ADAMTS3: variants seen among roughly 807,000 people sequenced by gnomAD.
ADAMTS3 encodes the protein ADAM metallopeptidase with thrombospondin type 1 motif 3.
A neutral mutation model predicts 129.0 loss-of-function variants in ADAMTS3; 73 were observed. The ratio of observed to expected loss-of-function variants is 0.57; its 90% confidence interval spans 0.47 to 0.69. The LOEUF (loss-of-function observed/expected upper bound fraction) is 0.69. Ranked by LOEUF, ADAMTS3 falls within the 30% of genes least tolerant of loss-of-function variation. ADAMTS3 has a pLI of 0.00. For synonymous variants in ADAMTS3, 477 were observed against 510.8 expected, an observed-to-expected ratio of 0.93 and a Z score of 0.89; for missense variants, 1,457 against 1,514.5, an observed-to-expected ratio of 0.96 and a Z score of 0.63.
chr4:72,348,998 C>A (rs898814629), intron 4 of ADAMTS3, among the ~76,000 whole-genome samples: 1 of 151,956 alleles, frequency 6.6e-6, no homozygotes, highest in South Asian at 2.1e-4. Flanking sequence ...CCACCTTAGA[C>A]TTCTGACCTA....
chr4:72,403,659 C>T (rs563797011), intron 4 of ADAMTS3, among the ~76,000 whole-genome samples: 64 of 151,958 alleles, frequency 4.2e-4, no homozygotes, highest in African/African-American at 1.3e-3. Context: ...TAATTTTATT[C>T]TTAACACTAT....
At chr4:72,374,286 C>A (rs560333326) in intron 4 of ADAMTS3, among the ~76,000 whole-genome samples, 1 of 148,884 alleles carries the variant, frequency 6.7e-6, no homozygotes, top group East Asian at 1.9e-4. Flanking sequence ...TTGGGAGTAA[C>A]TCCTTTTTTT....
chr4:72,443,582 C>G (rs891690841), intron 3 of ADAMTS3, among the ~76,000 whole-genome samples: 9 of 149,874 alleles, frequency 6.0e-5, no homozygotes, highest in Middle Eastern at 3.2e-3. Context: ...TACTTGTTCA[C>G]AGTTAGTTCA....
At chr4:72,468,732 C>A (rs546279773) in intron 3 of ADAMTS3, among the ~76,000 whole-genome samples, 2 of 149,858 alleles carry the variant, frequency 1.3e-5, no homozygotes, top group African/African-American at 2.4e-5. Context: ...TTAATAATGT[C>A]AAAACTGGCA....
intron 3 of ADAMTS3, among the ~76,000 whole-genome samples, chr4:72,504,501 T>G (rs963540936): frequency 1.3e-5 from 2 of 152,130 alleles, no homozygotes; most frequent in African/African-American, 4.8e-5. Context: ...TTTAATTTTT[T>G]TTCTTTAGCA....
intron 3 of ADAMTS3, among the ~76,000 whole-genome samples, chr4:72,547,414 T>C (rs1721494602): frequency 6.6e-6 from 1 of 152,204 alleles, no homozygotes; most frequent in Admixed American, 6.5e-5. Flanking sequence ...AATATCTATG[T>C]CTAGATCATA....
At chr4:72,386,559 G>T (rs1170844144) in intron 4 of ADAMTS3, among the ~76,000 whole-genome samples, 3 of 151,800 alleles carry the variant, frequency 2.0e-5, no homozygotes, top group Non-Finnish European at 4.4e-5. Context: ...ATCTGTTTTT[G>T]AATTTTACAT....
At chr4:72,517,896 T>C (rs2109735914) in intron 3 of ADAMTS3, among the ~76,000 whole-genome samples, 1 of 151,390 alleles carries the variant, frequency 6.6e-6, no homozygotes, top group South Asian at 2.1e-4. Flanking sequence ...ATGTGTTTGC[T>C]CTTGCTTTTC....
intron 4 of ADAMTS3, among the ~76,000 whole-genome samples, chr4:72,340,761 T>G (rs1188975691): frequency 6.6e-6 from 1 of 152,112 alleles, no homozygotes; most frequent in Admixed American, 6.5e-5. Context: ...ATGACTATAT[T>G]TTTTGAGAAA....
intron 3 of ADAMTS3, among the ~76,000 whole-genome samples, chr4:72,475,179 T>TA (rs768677788): frequency 1.3e-4 from 19 of 151,732 alleles, no homozygotes; most frequent in Non-Finnish European, 2.1e-4. Flanking sequence ...ATAATTACAT[T>TA]AAATATAAAT....
chr4:72,472,068 G>T (rs1719087038), intron 3 of ADAMTS3, among the ~76,000 whole-genome samples: 2 of 152,076 alleles, frequency 1.3e-5, no homozygotes, highest in African/African-American at 4.8e-5. Context: ...ATACAAGGAA[G>T]ATCTAGAAAT....
intron 3 of ADAMTS3, among the ~76,000 whole-genome samples, chr4:72,448,316 T>C (rs1289580184): frequency 2.0e-5 from 3 of 151,830 alleles, no homozygotes; most frequent in African/African-American, 7.2e-5. Context: ...GAGTTTGGAA[T>C]TATATTCACT....
At chr4:72,478,604 C>T (rs1719317582) in intron 3 of ADAMTS3, among the ~76,000 whole-genome samples, 1 of 147,094 alleles carries the variant, frequency 6.8e-6, no homozygotes, top group Non-Finnish European at 1.5e-5. Flanking sequence ...TGGGCAAAAA[C>T]TGGAAGCATT....
chr4:72,282,419 T>G lies in ADAMTS3; in HGVS notation c.*717A>C, dbSNP rs1218160927. The stretch of plus-strand genomic sequence containing the variant: ...TCTGTATATCTATAGCTTTTGTGTT[T>G]CTTTTCTTTTTCTATAATTTACGTA... On this transcript the variant is annotated 3_prime_UTR_variant, in exon 22 of 22. Transcript: ENST00000286657. The G allele has an allele frequency of 6.6e-6, 1 of 152,312 alleles. No homozygotes were observed. The highest frequency in any genetic ancestry group is 1.5e-5 in the Non-Finnish European group (1 of 68,034). The allele number at this position is 152,312 out of a possible 1,614,324, so 9.4% of individuals were successfully genotyped here.
chr4:72,407,115 C>T (rs1377781839), intron 4 of ADAMTS3, among the ~76,000 whole-genome samples: 1 of 152,040 alleles, frequency 6.6e-6, no homozygotes, highest in Non-Finnish European at 1.5e-5. Flanking sequence ...TAGAAAGATC[C>T]ATTTACTGTA....
intron 5 of ADAMTS3, among the ~76,000 whole-genome samples, chr4:72,338,183 C>A (rs77350838): frequency 0.024 from 3,662 of 152,142 alleles, 151 homozygotes; most frequent in African/African-American, 0.084. Context: ...GATAAAGAGA[C>A]AGAAGCAGGA....
At chr4:72,363,409 G>C (rs1254124747) in intron 4 of ADAMTS3, among the ~76,000 whole-genome samples, 2 of 152,078 alleles carry the variant, frequency 1.3e-5, no homozygotes, top group African/African-American at 2.4e-5. Flanking sequence ...ATGCTGGATA[G>C]GAACACTCAA....
At chr4:72,533,271 G>A (rs1303217432) in intron 3 of ADAMTS3, among the ~76,000 whole-genome samples, 1 of 151,804 alleles carries the variant, frequency 6.6e-6, no homozygotes, top group Non-Finnish European at 1.5e-5. Context: ...ATTACCTTAG[G>A]CCTACACAGA....
chr4:72,520,670 G>A (rs1720643301), intron 3 of ADAMTS3, among the ~76,000 whole-genome samples: 1 of 152,208 alleles, frequency 6.6e-6, no homozygotes, highest in South Asian at 2.1e-4. Context: ...ATCTCCTGGT[G>A]CGCTGTTTCC....
Sources: allele counts gnomAD v4.1 joint callset (sites outside exome capture counted in the v4.1 genomes callset), GRCh38; gene constraint gnomAD v4.1.1; transcripts MANE v1.5; gene names NCBI Gene and HGNC (gene_info 2026-07-23, HGNC 2026-07-21).